The following NDUFAF6 variants were observed in gnomAD, a reference collection of about 807,000 sequenced individuals.
NDUFAF6 encodes the protein NADH dehydrogenase (ubiquinone) complex I, assembly factor 6.
Under a neutral mutation model 40.8 loss-of-function variants are expected in NDUFAF6, and 45 were observed. That is an observed-to-expected ratio of 1.10 (90% CI 0.87 to 1.42). The LOEUF is 1.42. Ranked by LOEUF, NDUFAF6 falls within the 40% of genes most tolerant of loss-of-function variation. The probability of loss-of-function intolerance (pLI) is 0.00; values close to 1 mark genes in which losing one functional copy is unlikely to be tolerated. For synonymous variants in NDUFAF6, 185 were observed against 155.9 expected (o/e 1.19, Z -1.39); for missense variants, 435 against 418.5 (o/e 1.04, Z -0.34).
At chr8:94,992,588 TC>T (rs1390675714) in intron 2 of NDUFAF6, among the ~76,000 whole-genome samples, 2 of 152,216 alleles carry the variant, frequency 1.3e-5, no homozygotes, top group African/African-American at 4.8e-5. Flanking sequence ...TTGATACTCT[TC>T]TTCCCTTCAA....
chr8:94,951,899 T>G (rs577727757), intron 2 of NDUFAF6, among the ~76,000 whole-genome samples: 1 of 152,342 alleles, frequency 6.6e-6, no homozygotes, highest in Admixed American at 6.5e-5. Flanking sequence ...ACAACCAAAC[T>G]GTCAAATTAC....
At position 94,917,028 on chromosome 8, in the gene NDUFAF6, C is replaced by T. The variant is rs117780283; in HGVS notation, c.-936+21101C>T. 8.6e-3 allele frequency among the ~76,000 whole-genome samples: 1,285 copies of T among 148,976 alleles called. 10 individuals are homozygous for T. The highest frequency in any genetic ancestry group is 0.021 in the Middle Eastern group (6 of 288). ...ACTCAGGAGGCTAAAGCAGAGAATCCTCTACCCAGGAGGCAGAGCTGGCAG... is the reference window on the plus strand; with the variant it reads ...ACTCAGGAGGCTAAAGCAGAGAATCTTCTACCCAGGAGGCAGAGCTGGCAG... On this transcript the variant is annotated intron_variant, in intron 1 of 14. Transcript: ENST00000396113.
upstream of NDUFAF6, among the ~76,000 whole-genome samples, chr8:95,095,521 A>G (rs1334665264): frequency 6.6e-6 from 1 of 152,060 alleles, no homozygotes; most frequent in African/African-American, 2.4e-5. Context: ...CTGTCCCCCA[A>G]GACTTTCTTG....
intron 1 of NDUFAF6, among the ~76,000 whole-genome samples, chr8:94,911,157 C>T (rs989208728): frequency 1.3e-5 from 2 of 152,146 alleles, no homozygotes; most frequent in Non-Finnish European, 2.9e-5. Flanking sequence ...GATATTAACA[C>T]GTCTGTATTT....
intron 1 of NDUFAF6, among the ~76,000 whole-genome samples, chr8:94,960,521 T>G (rs1389348972): frequency 1.3e-5 from 2 of 152,230 alleles, no homozygotes; most frequent in African/African-American, 2.4e-5. Flanking sequence ...GAGTGAGCAG[T>G]TTTAATACAA....
upstream of NDUFAF6, among the ~76,000 whole-genome samples, chr8:94,955,827 G>T (rs917621327): frequency 2.0e-4 from 31 of 152,224 alleles, no homozygotes; most frequent in African/African-American, 7.5e-4. Context: ...TACCTAACCT[G>T]CATTTTGTAT....
chr8:94,977,687 T>C (rs972951418), intron 1 of NDUFAF6, among the ~76,000 whole-genome samples: 3 of 152,132 alleles, frequency 2.0e-5, no homozygotes, highest in Admixed American at 6.5e-5. Flanking sequence ...TCTTCAGCTC[T>C]TGGACTCTGG....
chr8:95,079,178 G>C (rs1017091375), downstream of NDUFAF6, among the ~76,000 whole-genome samples: 3 of 151,870 alleles, frequency 2.0e-5, no homozygotes, highest in Non-Finnish European at 4.4e-5. Flanking sequence ...CTCCATGTTG[G>C]TCAGGCTGGT....
At chr8:94,958,658 C>T (rs996394172) in intron 1 of NDUFAF6, among the ~76,000 whole-genome samples, 2 of 150,102 alleles carry the variant, frequency 1.3e-5, no homozygotes, top group African/African-American at 4.9e-5. Flanking sequence ...CCTCAGTCTC[C>T]TGAGTACCTG....
In NDUFAF6 at chr8:95,035,472, G is replaced by A. The variant is rs2131806805; in HGVS notation, c.316G>A (p.Glu106Lys). ...ELAQVKDSVS[E>K]KTIGLMRMQF... ...TTTATAGGTTAAAGACTCAGTCTCT[G>A]AGAAAACAATTGGACTGATGCGAAT... Residue 106 changes from glutamate (E) to lysine (K), a missense_variant, in exon 3 of 9, where the codon GAG becomes AAG. Physicochemically the swap from Glu to Lys is moderately conservative, Grantham distance 56 (BLOSUM62 1). Coordinates refer to ENST00000396124, the MANE Select transcript of NDUFAF6 (RefSeq NM_152416.4). 5 of 1,613,492 alleles carry A rather than the reference G, an allele frequency of 3.1e-6. No homozygotes were observed. Among genetic ancestry groups the A allele is most frequent in the East Asian group, 4.5e-5 (2 of 44,788 alleles).
upstream of NDUFAF6, among the ~76,000 whole-genome samples, chr8:95,024,005 A>T (rs1441763568): frequency 6.6e-6 from 1 of 151,354 alleles, no homozygotes; most frequent in Non-Finnish European, 1.5e-5. Flanking sequence ...AAAAAAAAAA[A>T]GTTATAAATC....
chr8:95,092,150 C>T (rs975573286), intron 2 of NDUFAF6, among the ~76,000 whole-genome samples: 1 of 150,326 alleles, frequency 6.7e-6, no homozygotes, highest in African/African-American at 2.5e-5. Context: ...AACTATCTAC[C>T]ATGTGGTTAA....
intron 2 of NDUFAF6, among the ~76,000 whole-genome samples, chr8:94,997,363 G>GAC (rs1826500614): frequency 6.7e-6 from 1 of 148,490 alleles, no homozygotes; most frequent in South Asian, 2.1e-4. Flanking sequence ...GAGAGAGAGA[G>GAC]AGACAGAGAG....
intron 2 of NDUFAF6, among the ~76,000 whole-genome samples, chr8:95,012,540 T>G (rs1827266872): frequency 6.6e-6 from 1 of 152,182 alleles, no homozygotes; most frequent in Non-Finnish European, 1.5e-5. Flanking sequence ...CTGGTTACAG[T>G]GGCTCATGCC....
chr8:95,037,486 A>T (rs926413706), intron 3 of NDUFAF6, among the ~76,000 whole-genome samples: 1 of 152,244 alleles, frequency 6.6e-6, no homozygotes, highest in African/African-American at 2.4e-5. Context: ...AAACAAGAGC[A>T]TGAGTCTGTA....
intron 2 of NDUFAF6, among the ~76,000 whole-genome samples, chr8:95,006,445 G>T (rs1301398605): frequency 6.6e-6 from 1 of 151,842 alleles, no homozygotes; most frequent in Non-Finnish European, 1.5e-5. Flanking sequence ...TATGTATCAG[G>T]TTTTATTTTC....
chr8:94,910,118 A>C (rs1034000637), intron 1 of NDUFAF6, among the ~76,000 whole-genome samples: 1 of 150,702 alleles, frequency 6.6e-6, no homozygotes, highest in African/African-American at 2.4e-5. Flanking sequence ...AGGGTTCCCT[A>C]CTCCTGCCCA....
intron 2 of NDUFAF6, among the ~76,000 whole-genome samples, chr8:94,985,513 A>ATT: frequency 2.1e-4 from 1 of 4,772 alleles, no homozygotes; most frequent in South Asian, 0.014. Context: ...ATATATATAT[A>ATT]TATTTTTTTT....
intron 2 of NDUFAF6, chr8:94,951,234 C>T (rs1822587559): frequency 6.6e-6 from 1 of 152,288 alleles, no homozygotes; most frequent in Non-Finnish European, 1.5e-5. Context: ...TCTAGCTCTT[C>T]AGCTCATCCC....
Sources: gnomAD v4.1 joint callset for allele counts (sites outside exome capture counted in the v4.1 genomes callset) on GRCh38, gnomAD v4.1.1 for gene constraint, MANE v1.5 for transcripts, NCBI Gene and HGNC (gene_info 2026-07-23, HGNC 2026-07-21) for gene names.